The following ARHGAP39 variants were observed in gnomAD, a reference collection of about 807,000 sequenced individuals.
The protein encoded by ARHGAP39 is Rho GTPase activating protein 39, also known as rho GTPase-activating protein 39.
A neutral mutation model predicts 106.9 loss-of-function variants in ARHGAP39; 44 were observed. That is an observed-to-expected ratio of 0.41 (90% CI 0.32 to 0.53). The LOEUF (loss-of-function observed/expected upper bound fraction) is 0.53. Among genes scored for constraint, ARHGAP39 ranks in the 20% least tolerant of loss-of-function variants. The pLI is 0.21. For synonymous variants in ARHGAP39, 768 were observed against 693.2 expected (o/e 1.11, Z -1.69); for missense variants, 1,496 against 1,577.3 (o/e 0.95, Z 0.87).
At chr8:144,598,340 C>G (rs1819708591) in intron 2 of ARHGAP39, among the ~76,000 whole-genome samples, 1 of 152,210 alleles carries the variant, frequency 6.6e-6, no homozygotes, top group Non-Finnish European at 1.5e-5. Flanking sequence ...ACTCGGAACT[C>G]AGCTGTGGGT....
intron 1 of ARHGAP39, among the ~76,000 whole-genome samples, chr8:144,619,329 C>G (rs569303111): frequency 2.6e-5 from 4 of 152,274 alleles, no homozygotes; most frequent in Non-Finnish European, 4.4e-5. Flanking sequence ...GGGTCCCCAT[C>G]CCCGCTCCAG....
At chr8:144,660,132 G>A (rs1266930602) in intron 1 of ARHGAP39, among the ~76,000 whole-genome samples, 3 of 152,092 alleles carry the variant, frequency 2.0e-5, no homozygotes, top group African/African-American at 7.2e-5. Context: ...CTGGGTCAAA[G>A]GTGTGGAATG....
At position 144,530,737 on chromosome 8, in the gene ARHGAP39, G is replaced by A. The variant is rs775594759; in HGVS notation, c.3115C>T (p.Arg1039Cys). 5.0e-6 allele frequency: 8 copies of A among 1,609,322 alleles called. No individual in the cohort carries two copies. The highest frequency in any genetic ancestry group is 2.2e-5 in the East Asian group (1 of 44,636). ...CGGATGAGGTAGCACAGCACCATGC[G>A]GTTGATGCGGGGCAGCGCGTGCACC... The part of the protein sequence containing the change: ...AVVHALPRIN[R>C]MVLCYLIRFL... The change falls in exon 11 of 12, where the codon CGC (arginine) becomes TGC (cysteine). Residue 1039 changes from arginine (R) to cysteine (C), a missense_variant. By Grantham distance (180) the Arg-to-Cys change is radical. Around this residue, in one of 4 missense-constraint regions of ARHGAP39, gnomAD observed 470 missense variants for 605.1 expected, o/e 0.78. Coordinates refer to ENST00000377307, the MANE Select transcript of ARHGAP39 (RefSeq NM_025251.3).
Position 144,602,373 on chromosome 8 carries a change from G to A in ARHGAP39, c.80+3162C>T, listed in dbSNP as rs577145734. 8.4e-5 allele frequency among the ~76,000 whole-genome samples: 12 copies of A among 142,628 alleles called. No individual in the cohort carries two copies. In the East Asian group the frequency reaches 1.5e-3, roughly 18 times the overall value. The allele number at this position is 142,628 out of a possible 152,430, so 93.6% of individuals were successfully genotyped here. A position where few individuals can be genotyped will look rare whatever the true frequency, so the allele number is the denominator to read the frequency against. ...TGCATGTGCATGGAGGTGTGTGTGC[G>A]AGCTCATGTACCTGTGTGTGTGCGT... On this transcript the variant is annotated intron_variant, in intron 2 of 11. Coordinates refer to ENST00000377307, the MANE Select transcript of ARHGAP39 (RefSeq NM_025251.3).
chr8:144,530,080 A>T lies in ARHGAP39; in HGVS notation c.*342T>A, dbSNP rs779797408. ...GCCCAGGCCAGGGCGCGCAGGAGCC[A>T]CAGGGAGGCAGCCCGGCCCCAAGGA... On this transcript the variant is annotated 3_prime_UTR_variant, in exon 12 of 12. Transcript: ENST00000377307. 2 of 292,374 alleles carry T rather than the reference A, an allele frequency of 6.8e-6. No homozygotes were observed. Among genetic ancestry groups the T allele is most frequent in the Non-Finnish European group, 1.3e-5 (2 of 155,794 alleles). 18.1% of individuals were successfully genotyped at this position (292,374 alleles called of 1,614,324 possible).
chr8:144,573,704 C>T (rs1818666194), intron 3 of ARHGAP39, among the ~76,000 whole-genome samples: 1 of 152,068 alleles, frequency 6.6e-6, no homozygotes. Flanking sequence ...AGAAATTATC[C>T]TTTTGAAGGA....
rs1301807723 is a variant in ARHGAP39, at chr8:144,547,684, C to G, written c.1402G>C (p.Ala468Pro). The change falls in exon 5 of 12, where the codon GCC (alanine) becomes CCC (proline). Residue 468 changes from alanine to proline, a missense_variant. Coordinates refer to ENST00000377307, the MANE Select transcript of ARHGAP39 (RefSeq NM_025251.3). This position sits in a 1 kb window ranked among gnomAD's most constrained non-coding sequence, Gnocchi z 5.2. ...HSQPPTPLPQ[A>P]QEDAMSWSSQ... ...GACCAGGACATGGCATCCTCCTGGG[C>G]CTGTGGCAGCGGCGTGGGCGGCTGG... The G allele has an allele frequency of 2.5e-6, 4 of 1,577,116 alleles. No individual in the cohort carries two copies. In the Admixed American group the frequency reaches 5.3e-5, roughly 21 times the overall value.
intron 1 of ARHGAP39, among the ~76,000 whole-genome samples, chr8:144,659,328 C>A (rs753148431): frequency 2.6e-5 from 4 of 152,210 alleles, no homozygotes; most frequent in African/African-American, 9.7e-5. Context: ...ACTCCCAACA[C>A]GTGCTGGGAA....
intron 2 of ARHGAP39, among the ~76,000 whole-genome samples, chr8:144,602,362 GGT>G (rs35118184): frequency 0.015 from 2,187 of 142,070 alleles, 35 homozygotes; most frequent in Non-Finnish European, 0.027. Flanking sequence ...TGTGCATGGA[GGT>G]GTGTGTGCGA....
chr8:144,611,901 C>T (rs1024071179), intron 1 of ARHGAP39, among the ~76,000 whole-genome samples: 19 of 151,400 alleles, frequency 1.3e-4, no homozygotes, highest in African/African-American at 3.9e-4. Context: ...CCCAGCTACT[C>T]GGGAAGACGA....
intron 1 of ARHGAP39, among the ~76,000 whole-genome samples, chr8:144,668,300 G>T (rs944598843): frequency 6.6e-6 from 1 of 152,212 alleles, no homozygotes; most frequent in East Asian, 1.9e-4. Flanking sequence ...AATTAGCTGA[G>T]CACAGTGGCA....
chr8:144,692,502 A>G, the ARHGAP39 span, among the ~76,000 whole-genome samples: 1 of 152,168 alleles, frequency 6.6e-6, no homozygotes, highest in Non-Finnish European at 1.5e-5. Flanking sequence ...GCTTAACTAT[A>G]AATCCTCCTC....
intron 3 of ARHGAP39, among the ~76,000 whole-genome samples, chr8:144,571,746 G>T (rs887444668): frequency 6.6e-6 from 1 of 152,190 alleles, no homozygotes; most frequent in Non-Finnish European, 1.5e-5. Flanking sequence ...AAAACACACT[G>T]TCTCAGCCCC....
intron 10 of ARHGAP39, among the ~76,000 whole-genome samples, chr8:144,531,111 G>A (rs1207363429): frequency 6.6e-6 from 1 of 152,250 alleles, no homozygotes; most frequent in Non-Finnish European, 1.5e-5. Context: ...GTGCAAAACA[G>A]GATTTTTCTC....
At chr8:144,681,535 GA>G (rs1290303593) in intron 1 of ARHGAP39, among the ~76,000 whole-genome samples, 1 of 152,218 alleles carries the variant, frequency 6.6e-6, no homozygotes, top group Non-Finnish European at 1.5e-5. Flanking sequence ...TTCAATATAA[GA>G]GCGTATTTCA....
intron 1 of ARHGAP39, among the ~76,000 whole-genome samples, chr8:144,615,765 C>T (rs893106197): frequency 6.6e-5 from 10 of 152,234 alleles, no homozygotes. Context: ...TCTGAAAGCT[C>T]GGCTGTGAGC....
chr8:144,608,534 G>A (rs1456519992), intron 1 of ARHGAP39, among the ~76,000 whole-genome samples: 1 of 152,192 alleles, frequency 6.6e-6, no homozygotes, highest in African/African-American at 2.4e-5. Context: ...CAGGCACTGC[G>A]AGTCCCCAAA....
chr8:144,532,139 T>G (rs1430217114), intron 10 of ARHGAP39, among the ~76,000 whole-genome samples, 166 bp downstream of exon 10: 3 of 151,938 alleles, frequency 2.0e-5, no homozygotes, highest in Admixed American at 6.5e-5. Flanking sequence ...AGCAGACACC[T>G]GGGGAAACTG....
chr8:144,587,491 C>A, intron 2 of ARHGAP39, among the ~76,000 whole-genome samples: 1 of 152,158 alleles, frequency 6.6e-6, no homozygotes, highest in East Asian at 1.9e-4. Flanking sequence ...ACGTGTTATA[C>A]AGGTTTAAGA....
Sources: gnomAD v4.1 joint callset for allele counts (sites outside exome capture counted in the v4.1 genomes callset) on GRCh38, gnomAD v4.1.1 for gene constraint, gnomAD v4.1.1 regional missense constraint, Gnocchi (gnomAD v3.1) non-coding constraint, MANE v1.5 for transcripts, NCBI Gene and HGNC (gene_info 2026-07-23, HGNC 2026-07-21) for gene names.